IRAG2: variants seen among roughly 807,000 people sequenced by gnomAD.
IRAG2 encodes lymphoid restricted membrane protein.
Under a neutral mutation model 69.9 loss-of-function variants are expected in IRAG2, and 45 were observed. The observed-to-expected ratio is 0.64, with a 90% CI of 0.51 to 0.83. The LOEUF (loss-of-function observed/expected upper bound fraction) is 0.83, where lower values mean the gene tolerates loss of function less well. Among genes scored for constraint, IRAG2 ranks in the 40% least tolerant of loss-of-function variants. The pLI, the probability that IRAG2 is intolerant of heterozygous loss-of-function variation, is 0.00. For synonymous variants in IRAG2, 193 were observed against 202.4 expected, an observed-to-expected ratio of 0.95 and a Z score of 0.40; for missense variants, 520 against 587.0, an observed-to-expected ratio of 0.89 and a Z score of 1.18.
upstream of IRAG2, chr12:25,052,608 C>T: frequency 2.5e-6 from 1 of 397,356 alleles, no homozygotes; most frequent in East Asian, 3.6e-5. Context: ...ACTTTAACCG[C>T]TGTAGAAATA....
intron 2 of IRAG2, chr12:25,005,381 A>T (rs2139813942): frequency 9.8e-7 from 1 of 1,022,130 alleles, no homozygotes; most frequent in East Asian, 3.3e-5. Flanking sequence ...CTGTTTAAAC[A>T]TTTGGTAGGA....
chr12:25,083,331 C>T (rs2140128621), intron 9 of IRAG2, 92 bp from the exon 10 acceptor site: 1 of 796,894 alleles, frequency 1.3e-6, no homozygotes, highest in East Asian at 2.4e-5. Context: ...TTGTCAGTTA[C>T]TGGTCAGCCC....
intron 8 of IRAG2, among the ~76,000 whole-genome samples, chr12:25,025,528 A>C (rs764853331): frequency 6.6e-6 from 1 of 150,522 alleles, no homozygotes; most frequent in Non-Finnish European, 1.5e-5. Context: ...CAAAACAAAA[A>C]AAACACTTGA....
chr12:25,029,140 C>T (rs1298884852), intron 9 of IRAG2, among the ~76,000 whole-genome samples: 3 of 152,058 alleles, frequency 2.0e-5, no homozygotes, highest in African/African-American at 7.3e-5. Flanking sequence ...GCTATGTTGC[C>T]CAAGCTGATC....
intron 1 of IRAG2, among the ~76,000 whole-genome samples, chr12:25,061,203 C>A (rs1033109898): frequency 6.6e-6 from 1 of 152,046 alleles, no homozygotes; most frequent in African/African-American, 2.4e-5. Context: ...GTTTTTGAAG[C>A]AATGAAATGA....
At chr12:25,100,666 C>T (rs1300456739) in intron 15 of IRAG2, among the ~76,000 whole-genome samples, 1 of 152,138 alleles carries the variant, frequency 6.6e-6, no homozygotes, top group African/African-American at 2.4e-5. Flanking sequence ...CTGTTGTTTT[C>T]AGCATGATAG....
intron 6 of IRAG2, among the ~76,000 whole-genome samples, 185 bp from the exon 7 acceptor site, chr12:25,079,059 A>C (rs1429215195): frequency 6.6e-6 from 1 of 152,172 alleles, no homozygotes; most frequent in Non-Finnish European, 1.5e-5. Context: ...TTTTTGGGTA[A>C]GTGCAGCTTT....
chr12:25,047,077 A>G (rs1944800910), intron 16 of IRAG2, among the ~76,000 whole-genome samples: 1 of 152,242 alleles, frequency 6.6e-6, no homozygotes, highest in East Asian at 1.9e-4. Context: ...TGTAATAGGG[A>G]AAGGATAATC....
chr12:25,002,647 TTC>T (rs1491126484), upstream of IRAG2, among the ~76,000 whole-genome samples: 680 of 118,724 alleles, frequency 5.7e-3, 11 homozygotes, highest in East Asian at 0.11. Flanking sequence ...TCTTCTTCTT[TTC>T]TTTTTTTTTT....
chr12:25,037,976 A>G (rs917543685), exon 16 of IRAG2: 33 of 398,850 alleles, frequency 8.3e-5, no homozygotes, highest in African/African-American at 6.8e-4. Flanking sequence ...TCTTGTAGGA[A>G]TTCAACAATA....
chr12:25,080,611 C>G (rs1480729401), intron 9 of IRAG2, among the ~76,000 whole-genome samples: 1 of 152,114 alleles, frequency 6.6e-6, no homozygotes, highest in East Asian at 1.9e-4. Flanking sequence ...CTTGGCCTCC[C>G]AAAATGTTGG....
chr12:25,097,675 T>C (rs1303190978), intron 15 of IRAG2: 1 of 152,220 alleles, frequency 6.6e-6, no homozygotes, highest in African/African-American at 2.4e-5. Flanking sequence ...GTGGTAGTAA[T>C]TTTAGTTTGA....
intron 9 of IRAG2, among the ~76,000 whole-genome samples, chr12:25,029,322 G>A (rs558361948): frequency 5.9e-5 from 9 of 152,272 alleles, no homozygotes; most frequent in East Asian, 1.9e-4. Flanking sequence ...CAGAAGACAC[G>A]GGTTCAGATC....
At chr12:25,002,467 A>T (rs1944398247), upstream of IRAG2, among the ~76,000 whole-genome samples, 1 of 152,212 alleles carries the variant, frequency 6.6e-6, no homozygotes, top group African/African-American at 2.4e-5. Flanking sequence ...CACACATTGG[A>T]AACAATCCAA....
intron 8 of IRAG2, chr12:25,023,925 T>C: frequency 8.2e-7 from 1 of 1,224,848 alleles, no homozygotes; most frequent in East Asian, 3.2e-5. Context: ...GGAAGAGGTA[T>C]GTCAGAATCG....
chr12:25,080,257 C>G (rs942479747), intron 9 of IRAG2, among the ~76,000 whole-genome samples: 1 of 152,064 alleles, frequency 6.6e-6, no homozygotes, highest in Non-Finnish European at 1.5e-5. Flanking sequence ...TCGACCATTC[C>G]CAGTGAGACA....
intron 16 of IRAG2, among the ~76,000 whole-genome samples, chr12:25,046,755 A>G (rs748087212): frequency 2.0e-5 from 3 of 152,198 alleles, no homozygotes; most frequent in Non-Finnish European, 2.9e-5. Flanking sequence ...ATACTACCCA[A>G]AGCAATCTAT....
Position 25,015,162 on chromosome 12 carries a change from T to TTC in IRAG2, c.897-19_897-18insCT, listed in dbSNP as rs1218935876. ...TCCTAGCTCACTGGTTTTGTTTTTT[T>TTC]TTTTTTTTTTTGGCTACAGGGAAGG... is the stretch of plus-strand genomic sequence containing the variant. On this transcript the variant is annotated intron_variant, in intron 3 of 38. Coordinates refer to the IRAG2 transcript ENST00000636465. 6.5e-6 allele frequency: 7 copies of TTC among 1,072,166 alleles called. No homozygotes were observed. In the East Asian group the frequency reaches 1.4e-4, roughly 22 times the overall value. The allele number at this position is 1,072,166 out of a possible 1,614,324, so 66.4% of individuals were successfully genotyped here.
intron 6 of IRAG2, among the ~76,000 whole-genome samples, chr12:25,019,220 T>C (rs899075922): frequency 6.6e-6 from 1 of 152,166 alleles, no homozygotes; most frequent in Admixed American, 6.5e-5. Flanking sequence ...CAATACTCTT[T>C]TAGCATTTGC....
Sources: gnomAD v4.1 joint callset for allele counts (sites outside exome capture counted in the v4.1 genomes callset) on GRCh38, gnomAD v4.1.1 for gene constraint, MANE v1.5 for transcripts, NCBI Gene and HGNC (gene_info 2026-07-23, HGNC 2026-07-21) for gene names.